Variants in TMEM116 observed in about 807,000 individuals in gnomAD.
TMEM116 encodes transmembrane protein 116.
A neutral mutation model predicts 44.3 loss-of-function variants in TMEM116; 38 were observed. The ratio of observed to expected loss-of-function variants is 0.86; its 90% CI spans 0.66 to 1.12. The LOEUF (loss-of-function observed/expected upper bound fraction) is 1.12, where lower values mean the gene tolerates loss of function less well. Among genes scored for constraint, TMEM116 ranks in the 50% most tolerant of loss-of-function variants. The pLI, the probability that TMEM116 is intolerant of heterozygous loss-of-function variation, is 0.00. For synonymous variants in TMEM116, 132 were observed against 144.8 expected (o/e 0.91, Z 0.64); for missense variants, 354 against 401.7 (o/e 0.88, Z 1.01).
chr12:111,957,984 G>A (rs1008687058), intron 4 of TMEM116, among the ~76,000 whole-genome samples: 13 of 148,108 alleles, frequency 8.8e-5, no homozygotes, highest in Non-Finnish European at 1.2e-4. Flanking sequence ...CCCCAACCCC[G>A]TGCTCTCTGA....
intron 4 of TMEM116, among the ~76,000 whole-genome samples, chr12:111,952,755 A>G (rs904304836): frequency 4.6e-5 from 7 of 152,172 alleles, no homozygotes; most frequent in African/African-American, 1.4e-4. Context: ...TCAGACTCCA[A>G]GTTCTTCAGC....
At chr12:111,989,804 G>A (rs1042175133) in intron 4 of TMEM116, among the ~76,000 whole-genome samples, 11 of 152,168 alleles carry the variant, frequency 7.2e-5, no homozygotes, top group African/African-American at 1.2e-4. Context: ...AAAGGAAAAC[G>A]TATCTGAAAT....
chr12:111,974,862 T>A (rs1001257243), intron 4 of TMEM116, among the ~76,000 whole-genome samples: 1 of 151,908 alleles, frequency 6.6e-6, no homozygotes, highest in Non-Finnish European at 1.5e-5. Context: ...TATATAATAA[T>A]AAACAATTGG....
chr12:111,986,617 G>A (rs1459321948), intron 4 of TMEM116, among the ~76,000 whole-genome samples: 1 of 151,994 alleles, frequency 6.6e-6, no homozygotes, highest in Non-Finnish European at 1.5e-5. Context: ...CAAGACTAGT[G>A]TGAGCAACAT....
In TMEM116 at chr12:111,937,160, T is replaced by C. The variant is rs1280359327; in HGVS notation, c.449A>G (p.Lys150Arg). ...ECFQNFSQSH[K>R]CILMHSPPSA... ...AATTATACATTTAGTTCTTACTTAC[T>C]TGTGGCTCTGACTGAAGTTTTGGAA... Residue 150 changes from lysine (K) to arginine (R), a missense_variant and splice_region_variant, in exon 7 of 11, where the codon AAG (lysine) becomes AGG (arginine). By Grantham distance (26) the Lys-to-Arg change is conservative. Transcript: ENST00000552374. 6.2e-7 allele frequency: 1 copy of C among 1,610,464 alleles called. No individual in the cohort carries two copies. Among genetic ancestry groups the C allele is most frequent in the Non-Finnish European group, 8.5e-7 (1 of 1,176,814 alleles).
intron 1 of TMEM116, among the ~76,000 whole-genome samples, chr12:112,006,815 C>A (rs960037445): frequency 1.3e-5 from 2 of 152,222 alleles, no homozygotes; most frequent in African/African-American, 4.8e-5. Context: ...ATTTATCTTT[C>A]ATCTAGCCAT....
intron 4 of TMEM116, among the ~76,000 whole-genome samples, chr12:111,953,244 T>C (rs774268806): frequency 6.6e-6 from 1 of 152,184 alleles, no homozygotes; most frequent in Non-Finnish European, 1.5e-5. Context: ...TAAAAGAGTT[T>C]GACACTAACT....
In TMEM116 at chr12:112,009,551, A is replaced by AG. The variant is rs200136164; in HGVS notation, c.-34+3450_-34+3451insC. 8.6e-4 allele frequency among the ~76,000 whole-genome samples: 131 copies of AG among 151,596 alleles called. 1 individual carries two copies. In the East Asian group the frequency reaches 0.025, roughly 28 times the overall value. ...GGGTTTACTTAAAAAAAAAAAAAAA[A>AG]AAAATGCTGGGTGCAGTGGGTCACG... On this transcript the variant is annotated intron_variant, in intron 1 of 10. Transcript: ENST00000552374.
intron 1 of TMEM116, among the ~76,000 whole-genome samples, chr12:112,006,574 G>A (rs1223421417): frequency 6.6e-6 from 1 of 152,188 alleles, no homozygotes; most frequent in African/African-American, 2.4e-5. Flanking sequence ...TCAACTTTGT[G>A]CAAAGCAGTG....
chr12:111,964,485 A>G (rs966283674), intron 4 of TMEM116, among the ~76,000 whole-genome samples: 1 of 152,026 alleles, frequency 6.6e-6, no homozygotes, highest in Non-Finnish European at 1.5e-5. Context: ...AGATGACATT[A>G]TGAACATTTG....
At chr12:112,000,520 A>AT (rs929368885) in intron 3 of TMEM116, among the ~76,000 whole-genome samples, 5 of 148,234 alleles carry the variant, frequency 3.4e-5, no homozygotes, top group African/African-American at 5.0e-5. Flanking sequence ...TCATGATCTG[A>AT]TTTTTTTTTC....
intron 4 of TMEM116, among the ~76,000 whole-genome samples, chr12:111,960,906 AT>A (rs530664737): frequency 7.6e-4 from 116 of 152,290 alleles, no homozygotes; most frequent in African/African-American, 2.7e-3. Flanking sequence ...TTTTGAAAAG[AT>A]TAATAAAATA....
intron 10 of TMEM116, 39 bp downstream of exon 10, chr12:111,932,547 G>A (rs375468673): frequency 1.0e-5 from 16 of 1,523,962 alleles, no homozygotes; most frequent in East Asian, 4.5e-5. Flanking sequence ...TAGGATAAGC[G>A]GGTGTAAGAA....
chr12:111,978,952 T>C (rs1314854902), intron 4 of TMEM116, among the ~76,000 whole-genome samples: 2 of 152,206 alleles, frequency 1.3e-5, no homozygotes, highest in Non-Finnish European at 2.9e-5. Context: ...CAAAAAGTGT[T>C]AGACTTATAG....
In TMEM116 at chr12:111,991,838, A is replaced by G. The variant is rs1298685877; in HGVS notation, c.130T>C (p.Trp44Arg). 2.0e-6 allele frequency: 3 copies of G among 1,536,256 alleles called. No individual in the cohort carries two copies. Among genetic ancestry groups the G allele is most frequent in the Non-Finnish European group, 2.6e-6 (3 of 1,146,772 alleles). ...CCATAGAGAAGTGTCTCCGTGAGCCAGCAAAGTCCCAGGAGCAGGTCACAG... is the reference window on the plus strand; with the variant it reads ...CCATAGAGAAGTGTCTCCGTGAGCCGGCAAAGTCCCAGGAGCAGGTCACAG... Reference protein sequence around the residue: ...SFCDLLLGLCWLTETLLYGAS... With the variant: ...SFCDLLLGLCRLTETLLYGAS... The change falls in exon 4 of 11, where the codon TGG (tryptophan) becomes CGG (arginine). Residue 44 changes from tryptophan to arginine, a missense_variant. Transcript: ENST00000552374.
intron 4 of TMEM116, among the ~76,000 whole-genome samples, chr12:111,982,061 G>C (rs2075971228): frequency 6.6e-6 from 1 of 152,082 alleles, no homozygotes; most frequent in Non-Finnish European, 1.5e-5. Flanking sequence ...GGATACATTG[G>C]TCAAAGTATA....
chr12:111,970,594 T>TG (rs2075275816), intron 4 of TMEM116, among the ~76,000 whole-genome samples: 1 of 150,904 alleles, frequency 6.6e-6, no homozygotes, highest in African/African-American at 2.4e-5. Flanking sequence ...GGGTTTTTTT[T>TG]TTTTTTTTTT....
At chr12:111,978,647 T>C (rs1016611792) in intron 4 of TMEM116, 16 of 255,276 alleles carry the variant, frequency 6.3e-5, no homozygotes, top group African/African-American at 3.7e-4. Flanking sequence ...TAAAAAGACA[T>C]GAGAGGGCTT....
intron 4 of TMEM116, among the ~76,000 whole-genome samples, chr12:111,990,919 G>C (rs1174897821): frequency 4.6e-5 from 7 of 152,008 alleles, no homozygotes; most frequent in Non-Finnish European, 1.0e-4. Flanking sequence ...AATAAAAACA[G>C]GTTATAAAAA....
Sources: allele counts gnomAD v4.1 joint callset (sites outside exome capture counted in the v4.1 genomes callset), GRCh38; gene constraint gnomAD v4.1.1; transcripts MANE v1.5; gene names NCBI Gene and HGNC (gene_info 2026-07-23, HGNC 2026-07-21).